Variants in CHD9 observed in about 807,000 individuals in gnomAD.
CHD9 encodes the protein ATP-dependent chromatin remodeler CHD9.
A neutral mutation model predicts 316.1 loss-of-function variants in CHD9; 77 were observed. That is an observed-to-expected ratio of 0.24 (90% CI 0.20 to 0.29). The LOEUF (loss-of-function observed/expected upper bound fraction) is 0.29, where lower values mean the gene tolerates loss of function less well. Ranked by LOEUF, CHD9 falls within the 10% of genes least tolerant of loss-of-function variation. The pLI is 1.00. For missense variants in CHD9, 2,763 were observed against 3,438.1 expected (o/e 0.80, Z 4.91); for synonymous variants, 1,129 against 1,158.3 (o/e 0.97, Z 0.51).
At chr16:53,163,580 A>C (rs1340189891) in intron 2 of CHD9, among the ~76,000 whole-genome samples, 1 of 152,136 alleles carries the variant, frequency 6.6e-6, no homozygotes. Context: ...TTGCTTTTTA[A>C]CCTTCCAATG....
intron 2 of CHD9, among the ~76,000 whole-genome samples, chr16:53,177,247 C>T (rs1432911078): frequency 2.0e-5 from 3 of 152,138 alleles, no homozygotes; most frequent in Non-Finnish European, 4.4e-5. Flanking sequence ...TGAGCCACTG[C>T]GCCTGGCCGA....
Position 53,231,746 on chromosome 16 carries a change from G to C in CHD9, c.2473G>C (p.Glu825Gln). The C allele has an allele frequency of 6.2e-7, 1 of 1,611,204 alleles. No individual in the cohort carries two copies. The highest frequency in any genetic ancestry group is 8.5e-7 in the Non-Finnish European group (1 of 1,178,716). ...DVDLAKIEEF[E>Q]QLQASRPDTR... ...AGATCTTGCAAAAATAGAAGAGTTT[G>C]AACAACTGCAAGCTTCAAGGCCTGA... Residue 825 changes from glutamate to glutamine, a missense_variant, in exon 10 of 39, where the codon GAA becomes CAA. Transcript: ENST00000447540.
chr16:53,261,327 G>A (rs1185598015), intron 19 of CHD9, among the ~76,000 whole-genome samples: 3 of 138,816 alleles, frequency 2.2e-5, no homozygotes, highest in Admixed American at 7.3e-5. Context: ...TCAGCAAGAA[G>A]CATTTAGCCT....
rs1174697142 is a variant in CHD9, at chr16:53,273,582, T to G, written c.4718-44T>G. The G allele has an allele frequency of 4.3e-5, 63 of 1,449,000 alleles. No individual in the cohort carries two copies. In the Admixed American group the frequency reaches 1.7e-3, roughly 38 times the overall value. The allele number at this position is 1,449,000 out of a possible 1,614,324, so 89.8% of individuals were successfully genotyped here. A position where few individuals can be genotyped will look rare whatever the true frequency, so the allele number is the denominator to read the frequency against. On this transcript the variant is annotated intron_variant, in intron 22 of 38. Transcript: ENST00000447540. ...TGAAACAATCTTTCAGATTGCAAAT[T>G]TTTATACAAATTATTCCTAATTTAT...
intron 19 of CHD9, among the ~76,000 whole-genome samples, chr16:53,261,921 G>C (rs1223100642): frequency 3.9e-5 from 6 of 152,054 alleles, no homozygotes; most frequent in African/African-American, 1.4e-4. Flanking sequence ...TAATTATCTA[G>C]TGCTTAAACT....
At chr16:53,265,505 A>G (rs980989252) in intron 20 of CHD9, among the ~76,000 whole-genome samples, 4 of 152,184 alleles carry the variant, frequency 2.6e-5, no homozygotes, top group African/African-American at 9.6e-5. Flanking sequence ...TGGGATAACA[A>G]CAGAAAAAGA....
intron 12 of CHD9, among the ~76,000 whole-genome samples, chr16:53,242,056 A>T (rs1273173940): frequency 6.6e-6 from 1 of 152,132 alleles, no homozygotes; most frequent in African/African-American, 2.4e-5. Context: ...CTTCATACTT[A>T]CTACTACTTT....
Position 53,324,296 on chromosome 16 carries a change from C to G in CHD9, c.8095C>G (p.Pro2699Ala). Residue 2699 changes from proline to alanine, a missense_variant, in exon 39 of 39, where the codon CCT (proline) becomes GCT (alanine). Pro to Ala is a conservative substitution (Grantham distance 27, BLOSUM62 -1). Around this residue, in one of 15 missense-constraint regions of CHD9, gnomAD observed 298 missense variants for 380.2 expected, o/e 0.78. Transcript: ENST00000447540. ...GTTGATGGGAATGCCTACCGGCCTT[C>G]CTTCTGGAGGAGAAGCTAAAAACAT... is the stretch of plus-strand genomic sequence containing the variant. ...AGLMGMPTGL[P>A]SGGEAKNMAA... 6.2e-7 allele frequency: 1 copy of G among 1,613,988 alleles called. No individual in the cohort carries two copies. Among genetic ancestry groups the G allele is most frequent in the Non-Finnish European group, 8.5e-7 (1 of 1,179,876 alleles).
At chr16:53,184,198 T>G (rs1239611179) in intron 2 of CHD9, among the ~76,000 whole-genome samples, 2 of 152,146 alleles carry the variant, frequency 1.3e-5, no homozygotes, top group Non-Finnish European at 2.9e-5. Flanking sequence ...GGCTAATATT[T>G]TTTGAGTGCC....
At chr16:53,314,769 A>T (rs1597985506) in intron 35 of CHD9, 54 bp from the exon 36 acceptor site, 1 of 1,340,708 alleles carries the variant, frequency 7.5e-7, no homozygotes, top group Non-Finnish European at 1.0e-6. Context: ...TATTGAACCA[A>T]TATTAGAATG....
intron 2 of CHD9, among the ~76,000 whole-genome samples, chr16:53,202,739 C>T (rs1397016823): frequency 6.6e-6 from 1 of 151,860 alleles, no homozygotes; most frequent in Non-Finnish European, 1.5e-5. Flanking sequence ...AAAAGTATTA[C>T]TGTATCAATG....
chr16:53,160,269 T>C (rs932190246), intron 2 of CHD9, among the ~76,000 whole-genome samples: 2 of 152,244 alleles, frequency 1.3e-5, no homozygotes, highest in Non-Finnish European at 2.9e-5. Flanking sequence ...CATGTCTTTT[T>C]GTTGCTTTTG....
At chr16:53,300,150 G>A (rs901726911) in intron 30 of CHD9, among the ~76,000 whole-genome samples, 1 of 152,104 alleles carries the variant, frequency 6.6e-6, no homozygotes, top group Non-Finnish European at 1.5e-5. Flanking sequence ...TCAGGAGTTC[G>A]AGACCAGCCT....
intron 8 of CHD9, among the ~76,000 whole-genome samples, chr16:53,230,226 G>A (rs1237802465): frequency 6.6e-6 from 1 of 152,184 alleles, no homozygotes; most frequent in Non-Finnish European, 1.5e-5. Flanking sequence ...TGATACCTCT[G>A]TACCCCAGTA....
chr16:53,110,744 G>A (rs1250786383), intron 1 of CHD9, among the ~76,000 whole-genome samples: 1 of 152,090 alleles, frequency 6.6e-6, no homozygotes, highest in Non-Finnish European at 1.5e-5. Context: ...CCTGGGTGAT[G>A]GTGAGACTCC....
At chr16:53,318,130 C>G (rs2057017624) in intron 36 of CHD9, 82 bp from the exon 37 acceptor site, 2 of 1,096,080 alleles carry the variant, frequency 1.8e-6, no homozygotes, top group Non-Finnish European at 2.6e-6. Flanking sequence ...TATTAAATTA[C>G]TTGGATCAGC....
chr16:53,255,089 T>C (rs934895074), intron 18 of CHD9, among the ~76,000 whole-genome samples: 14 of 152,052 alleles, frequency 9.2e-5, no homozygotes, highest in Non-Finnish European at 1.9e-4. Flanking sequence ...GGTAGGAGGA[T>C]TGCTTGAGCC....
intron 20 of CHD9, 148 bp downstream of exon 20, chr16:53,263,245 A>C: frequency 1.8e-6 from 1 of 560,194 alleles, no homozygotes; most frequent in Non-Finnish European, 3.1e-6. Flanking sequence ...GAACTGAGTG[A>C]GGTTCTCCTC....
chr16:53,252,878 A>G (rs1375326260), intron 17 of CHD9, among the ~76,000 whole-genome samples: 4 of 152,126 alleles, frequency 2.6e-5, no homozygotes, highest in African/African-American at 7.2e-5. Context: ...GAATGGCCAT[A>G]ATCAAAAAAT....
Sources: gnomAD v4.1 joint callset for allele counts (sites outside exome capture counted in the v4.1 genomes callset) on GRCh38, gnomAD v4.1.1 for gene constraint, gnomAD v4.1.1 regional missense constraint, MANE v1.5 for transcripts, NCBI Gene and HGNC (gene_info 2026-07-23, HGNC 2026-07-21) for gene names.